The following L3MBTL4 variants were observed in gnomAD, a reference collection of about 807,000 sequenced individuals.
The protein encoded by L3MBTL4 is lethal(3)malignant brain tumor-like protein 4.
L3MBTL4 carries 70 observed loss-of-function variants against 84.5 expected under a neutral mutation model. That is an observed-to-expected ratio of 0.83 (90% CI 0.68 to 1.01). The LOEUF is 1.01. L3MBTL4 is among the 50% of genes least tolerant of loss of function. L3MBTL4 has a pLI of 0.00. For synonymous variants in L3MBTL4, 274 were observed against 259.8 expected, an observed-to-expected ratio of 1.05 and a Z score of -0.52; for missense variants, 715 against 754.8, an observed-to-expected ratio of 0.95 and a Z score of 0.62.
At position 6,388,287 on chromosome 18, in the gene L3MBTL4, G is replaced by A. The variant is rs549088658; in HGVS notation, c.-91+26514C>T. On this transcript the variant is annotated intron_variant, in intron 1 of 18. Coordinates refer to ENST00000317931, the MANE Select transcript of L3MBTL4 (RefSeq NM_001330559.2). ...GGATGGTTATTCTGGCATTATTTGA[G>A]AAGAAAAACATGAAAAAATGTACTG... 1.2e-4 allele frequency among the ~76,000 whole-genome samples: 18 copies of A among 152,256 alleles called. No individual in the cohort carries two copies. In the South Asian group the frequency reaches 3.7e-3, roughly 32 times the overall value.
chr18:6,112,129 G>A (rs1598787496), intron 14 of L3MBTL4, among the ~76,000 whole-genome samples: 1 of 152,070 alleles, frequency 6.6e-6, no homozygotes, highest in Admixed American at 6.6e-5. Flanking sequence ...ATGCCCACTT[G>A]CTTAACAAGG....
intron 15 of L3MBTL4, among the ~76,000 whole-genome samples, chr18:6,090,590 A>G (rs1490995144): frequency 2.4e-5 from 3 of 122,772 alleles, no homozygotes; most frequent in Admixed American, 7.7e-5. Flanking sequence ...TATATTATAT[A>G]TATACACACA....
At chr18:6,058,069 T>C (rs2057086968) in intron 16 of L3MBTL4, among the ~76,000 whole-genome samples, 2 of 152,236 alleles carry the variant, frequency 1.3e-5, no homozygotes, top group South Asian at 4.1e-4. Flanking sequence ...TTCTCAGTAA[T>C]GAATTTCAGT....
At chr18:6,358,174 A>G (rs1774478257) in intron 1 of L3MBTL4, among the ~76,000 whole-genome samples, 2 of 152,360 alleles carry the variant, frequency 1.3e-5, no homozygotes, top group South Asian at 4.1e-4. Flanking sequence ...AGACTATCCT[A>G]GAAAATGACC....
chr18:6,008,105 T>C (rs1221541198), intron 16 of L3MBTL4, among the ~76,000 whole-genome samples: 5 of 152,226 alleles, frequency 3.3e-5, no homozygotes, highest in African/African-American at 1.2e-4. Flanking sequence ...ATCTCATTGC[T>C]TGATCTGGAG....
intron 16 of L3MBTL4, among the ~76,000 whole-genome samples, chr18:6,045,110 T>A (rs919252505): frequency 2.6e-5 from 4 of 152,174 alleles, no homozygotes; most frequent in Non-Finnish European, 5.9e-5. Flanking sequence ...TTTGTATTAT[T>A]AAAGTACAGT....
chr18:6,128,242 T>C (rs551297231), intron 14 of L3MBTL4, among the ~76,000 whole-genome samples: 4 of 149,728 alleles, frequency 2.7e-5, no homozygotes, highest in East Asian at 2.0e-4. Flanking sequence ...CTTGAGGAGA[T>C]ATTTCATAAA....
chr18:6,323,451 C>A (rs1453867026), intron 1 of L3MBTL4, among the ~76,000 whole-genome samples: 1 of 152,180 alleles, frequency 6.6e-6, no homozygotes, highest in Non-Finnish European at 1.5e-5. Context: ...CACTGAAGTA[C>A]AAGCTGAGGA....
intron 16 of L3MBTL4, among the ~76,000 whole-genome samples, chr18:6,070,512 CAA>C (rs35237218): frequency 9.7e-4 from 129 of 132,498 alleles, no homozygotes; most frequent in African/African-American, 2.5e-3. Flanking sequence ...AAAACTTACT[CAA>C]AAAAAAAAAA....
Position 6,057,310 on chromosome 18 carries a change from C to T in L3MBTL4, c.1444+23571G>A, listed in dbSNP as rs567557905. Among the ~76,000 whole-genome samples, 4 of 152,332 alleles carry T rather than the reference C, an allele frequency of 2.6e-5. No homozygotes were observed. In the East Asian group the frequency reaches 5.8e-4, roughly 22 times the overall value. On this transcript the variant is annotated intron_variant, in intron 16 of 18. Coordinates refer to ENST00000317931, the MANE Select transcript of L3MBTL4 (RefSeq NM_001330559.2). Reference sequence around the variant, plus strand: ...TTGGGCTCCCAAAGTGCTAGGATTACAGGCATGGGCCATTGCGCCTGGCCA... The same window carrying T: ...TTGGGCTCCCAAAGTGCTAGGATTATAGGCATGGGCCATTGCGCCTGGCCA...
intron 1 of L3MBTL4, among the ~76,000 whole-genome samples, chr18:6,325,744 T>C (rs77033498): frequency 0.019 from 2,934 of 152,286 alleles, 102 homozygotes; most frequent in African/African-American, 0.067. Context: ...ATGACTTACA[T>C]ATTGAAATAT....
intron 4 of L3MBTL4, among the ~76,000 whole-genome samples, chr18:6,282,760 T>C (rs973714863): frequency 2.0e-5 from 3 of 152,034 alleles, no homozygotes; most frequent in Non-Finnish European, 4.4e-5. Context: ...GCACCTGGAT[T>C]AGGGAGTACC....
At position 6,137,536 on chromosome 18, in the gene L3MBTL4, T is replaced by C. The variant is rs547141758; in HGVS notation, c.1199+658A>G. ...AACTTTTCTATGTTTGTTTACATATTTGTGTATTTGAACAAATTTGATATT... is the reference window on the plus strand; with the variant it reads ...AACTTTTCTATGTTTGTTTACATATCTGTGTATTTGAACAAATTTGATATT... On this transcript the variant is annotated intron_variant, in intron 14 of 18. Coordinates refer to ENST00000317931, the MANE Select transcript of L3MBTL4 (RefSeq NM_001330559.2). Among the ~76,000 whole-genome samples the C allele has an allele frequency of 3.3e-5, 5 of 152,330 alleles. No individual in the cohort carries two copies. In the East Asian group the frequency reaches 7.7e-4, roughly 23 times the overall value.
intron 14 of L3MBTL4, among the ~76,000 whole-genome samples, chr18:6,117,030 G>C (rs1006306803): frequency 3.9e-5 from 6 of 152,156 alleles, no homozygotes; most frequent in African/African-American, 1.4e-4. Flanking sequence ...TGTTGCAGTA[G>C]TTTTCACACA....
chr18:6,076,509 A>G (rs2057860098), intron 16 of L3MBTL4, among the ~76,000 whole-genome samples: 1 of 152,158 alleles, frequency 6.6e-6, no homozygotes, highest in African/African-American at 2.4e-5. Flanking sequence ...CTTAGTGATG[A>G]TTAAATGGGT....
chr18:6,262,556 C>A (rs564970808), intron 5 of L3MBTL4, among the ~76,000 whole-genome samples: 1 of 152,144 alleles, frequency 6.6e-6, no homozygotes, highest in Non-Finnish European at 1.5e-5. Context: ...CAGCCTCAAA[C>A]CTGCACAAAG....
At chr18:5,997,765 C>T (rs189307649) in intron 16 of L3MBTL4, among the ~76,000 whole-genome samples, 12 of 152,304 alleles carry the variant, frequency 7.9e-5, no homozygotes, top group Non-Finnish European at 1.5e-4. Context: ...GTGTCACCAA[C>T]GCGTCCTTAA....
chr18:6,166,916 T>C (rs1000990359), intron 13 of L3MBTL4, among the ~76,000 whole-genome samples: 55 of 151,694 alleles, frequency 3.6e-4, no homozygotes, highest in African/African-American at 1.2e-3. Context: ...TCAACAAAAT[T>C]GATAGACCGC....
At chr18:6,214,470 T>G (rs1212256485) in intron 11 of L3MBTL4, among the ~76,000 whole-genome samples, 3 of 152,222 alleles carry the variant, frequency 2.0e-5, no homozygotes, top group Non-Finnish European at 2.9e-5. Context: ...CACATAAAAG[T>G]GTTCAATTGG....
Sources: gnomAD v4.1 joint callset for allele counts (sites outside exome capture counted in the v4.1 genomes callset) on GRCh38, gnomAD v4.1.1 for gene constraint, MANE v1.5 for transcripts, NCBI Gene and HGNC (gene_info 2026-07-23, HGNC 2026-07-21) for gene names.